The following TAFA1 variants were observed in gnomAD, a reference collection of about 807,000 sequenced individuals.
TAFA1 encodes the protein TAFA chemokine like family member 1.
A neutral mutation model predicts 18.5 loss-of-function variants in TAFA1; 4 were observed. That is an observed-to-expected ratio of 0.22 (90% CI 0.11 to 0.49). The LOEUF is 0.49. TAFA1 is among the 20% of genes least tolerant of loss of function. The probability of loss-of-function intolerance (pLI) is 0.98; values close to 1 mark genes in which losing one functional copy is unlikely to be tolerated. For synonymous variants in TAFA1, 56 were observed against 55.2 expected (o/e 1.01, Z -0.06); for missense variants, 147 against 169.0 (o/e 0.87, Z 0.72).
intron 3 of TAFA1, among the ~76,000 whole-genome samples, chr3:68,439,412 C>CACATATATATATATATAT (rs1553690985): frequency 2.7e-5 from 2 of 73,462 alleles, no homozygotes; most frequent in Non-Finnish European, 4.8e-5. Flanking sequence ...TATATACATA[C>CACATATATATATATATAT]ATATATATAT....
chr3:68,163,571 A>C (rs879461631), intron 2 of TAFA1, among the ~76,000 whole-genome samples: 2 of 152,158 alleles, frequency 1.3e-5, no homozygotes, highest in African/African-American at 4.8e-5. Flanking sequence ...TAGTGTTATG[A>C]TGCTCCCATA....
intron 2 of TAFA1, among the ~76,000 whole-genome samples, chr3:68,084,376 G>A (rs2064944708): frequency 6.6e-6 from 1 of 152,224 alleles, no homozygotes; most frequent in South Asian, 2.1e-4. Flanking sequence ...TTTCTGCCAC[G>A]TTTTTGTGCT....
At chr3:68,476,362 G>A (rs1037758804) in intron 3 of TAFA1, among the ~76,000 whole-genome samples, 2 of 152,210 alleles carry the variant, frequency 1.3e-5, no homozygotes, top group African/African-American at 2.4e-5. Flanking sequence ...AAGTGCTCGG[G>A]ACCTGTCCTG....
chr3:68,420,285 G>A (rs1316819958), intron 3 of TAFA1, among the ~76,000 whole-genome samples: 1 of 152,144 alleles, frequency 6.6e-6, no homozygotes, highest in Non-Finnish European at 1.5e-5. Context: ...TTTAGAGACA[G>A]GATCTTGCTC....
chr3:68,356,232 C>T (rs1202184194), intron 2 of TAFA1, among the ~76,000 whole-genome samples: 2 of 151,814 alleles, frequency 1.3e-5, no homozygotes, highest in Non-Finnish European at 2.9e-5. Context: ...TAGCACTTAC[C>T]TGCAGACTCC....
At chr3:68,288,144 G>A (rs1014083668) in intron 2 of TAFA1, among the ~76,000 whole-genome samples, 1 of 151,982 alleles carries the variant, frequency 6.6e-6, no homozygotes, top group Non-Finnish European at 1.5e-5. Flanking sequence ...GAGAGTTCAC[G>A]GCTGTTTCTA....
chr3:68,071,048 C>T (rs1459639656), intron 2 of TAFA1, among the ~76,000 whole-genome samples: 1 of 152,230 alleles, frequency 6.6e-6, no homozygotes, highest in East Asian at 1.9e-4. Flanking sequence ...AATTCACTTC[C>T]ACATTTTCAG....
intron 2 of TAFA1, among the ~76,000 whole-genome samples, chr3:68,066,735 T>C (rs930139741): frequency 9.2e-5 from 14 of 152,214 alleles, no homozygotes; most frequent in Admixed American, 9.2e-4. Flanking sequence ...CTGGGAATTA[T>C]GGTAAGATTA....
At chr3:68,232,563 TA>T (rs1311186628) in intron 2 of TAFA1, among the ~76,000 whole-genome samples, 1 of 152,154 alleles carries the variant, frequency 6.6e-6, no homozygotes, top group Non-Finnish European at 1.5e-5. Context: ...TTTGCATAAG[TA>T]ACACAATAGC....
intron 3 of TAFA1, among the ~76,000 whole-genome samples, chr3:68,474,889 A>G (rs187582829): frequency 5.3e-5 from 8 of 152,302 alleles, no homozygotes; most frequent in Admixed American, 2.0e-4. Context: ...TGTTTATCAC[A>G]TTAGAGTGGC....
chr3:68,079,863 A>T (rs1482772104), intron 2 of TAFA1, among the ~76,000 whole-genome samples: 1 of 151,996 alleles, frequency 6.6e-6, no homozygotes, highest in Non-Finnish European at 1.5e-5. Context: ...ATTCCTGGGT[A>T]TCCTTGTTGA....
chr3:68,106,030 C>G (rs2106826636), intron 2 of TAFA1, among the ~76,000 whole-genome samples: 1 of 152,108 alleles, frequency 6.6e-6, no homozygotes, highest in South Asian at 2.1e-4. Context: ...CCCAGGTATG[C>G]TTGTTTAAAA....
At chr3:68,397,098 G>T (rs1418321476) in intron 2 of TAFA1, among the ~76,000 whole-genome samples, 1 of 152,038 alleles carries the variant, frequency 6.6e-6, no homozygotes, top group African/African-American at 2.4e-5. Flanking sequence ...GAAAGGTGCT[G>T]TTTCTCTAAG....
chr3:68,524,820 G>A (rs140852169), intron 3 of TAFA1, among the ~76,000 whole-genome samples: 3,103 of 151,924 alleles, frequency 0.02, 105 homozygotes, highest in African/African-American at 0.071. Context: ...ACAGGCGCCC[G>A]CCACCACCCC....
At chr3:68,378,772 T>C (rs565424423) in intron 2 of TAFA1, among the ~76,000 whole-genome samples, 104 of 152,260 alleles carry the variant, frequency 6.8e-4, no homozygotes, top group African/African-American at 2.0e-3. Flanking sequence ...GTTCTCATGA[T>C]AGTGAGTTCT....
rs1396626762 is a variant in TAFA1, at chr3:68,121,319, T to C, written c.118+114575T>C. 2.0e-5 allele frequency among the ~76,000 whole-genome samples: 3 copies of C among 151,448 alleles called. No homozygotes were observed. The East Asian group carries it at 5.8e-4, about 29-fold the overall frequency. The stretch of plus-strand genomic sequence containing the variant: ...CTATGTATATACTCCTAACCAGAGC[T>C]CCTATGAGTTAACTCAAGTCATTCT... On this transcript the variant is annotated intron_variant, in intron 2 of 4. Transcript: ENST00000478136.
At chr3:68,009,806 C>T (rs1354516509) in intron 2 of TAFA1, among the ~76,000 whole-genome samples, 5 of 152,096 alleles carry the variant, frequency 3.3e-5, no homozygotes, top group East Asian at 1.9e-4. Context: ...AGAGTTGTGA[C>T]GTTTTCCCTT....
chr3:68,119,041 CT>C (rs936523077), intron 2 of TAFA1, among the ~76,000 whole-genome samples: 4 of 150,188 alleles, frequency 2.7e-5, no homozygotes, highest in African/African-American at 4.9e-5. Context: ...AACTTATTTT[CT>C]TTTTTTTGGG....
intron 2 of TAFA1, among the ~76,000 whole-genome samples, chr3:68,010,528 G>T (rs1704451620): frequency 6.6e-6 from 1 of 152,122 alleles, no homozygotes; most frequent in Admixed American, 6.5e-5. Flanking sequence ...AATGCAGTGG[G>T]TTTGTACACA....
Sources: allele counts gnomAD v4.1 joint callset (sites outside exome capture counted in the v4.1 genomes callset), GRCh38; gene constraint gnomAD v4.1.1; transcripts MANE v1.5; gene names NCBI Gene and HGNC (gene_info 2026-07-23, HGNC 2026-07-21).